Variants in ADAMTSL1 observed in about 807,000 individuals in gnomAD.
ADAMTSL1 encodes the protein ADAMTS-like protein 1.
In ADAMTSL1, 126 loss-of-function variants were observed where a neutral mutation model predicts 201.8. The observed-to-expected ratio is 0.62, with a 90% confidence interval of 0.54 to 0.72. The LOEUF (loss-of-function observed/expected upper bound fraction) is 0.72. Among genes scored for constraint, ADAMTSL1 ranks in the 30% least tolerant of loss-of-function variants. The probability of loss-of-function intolerance (pLI) is 0.00; values close to 1 mark genes in which losing one functional copy is unlikely to be tolerated. For missense variants in ADAMTSL1, 2,679 were observed against 2,277.8 expected, an observed-to-expected ratio of 1.18 and a Z score of -3.59; for synonymous variants, 1,121 against 903.4, an observed-to-expected ratio of 1.24 and a Z score of -4.32.
chr9:18,322,515 C>T lies in ADAMTSL1; in HGVS notation c.207+158534C>T, dbSNP rs535472556. Among the ~76,000 whole-genome samples the T allele has an allele frequency of 3.3e-5, 5 of 152,230 alleles. No individual in the cohort carries two copies. In the South Asian group the frequency reaches 1.0e-3, roughly 32 times the overall value. ...AAACGTGGTGGTGGGCACCTAGAATCTCAGCTACCTGGGAGGCTGAGGCAA... is the reference window on the plus strand; with the variant it reads ...AAACGTGGTGGTGGGCACCTAGAATTTCAGCTACCTGGGAGGCTGAGGCAA... On this transcript the variant is annotated intron_variant, in intron 2 of 29. Coordinates refer to the ADAMTSL1 transcript ENST00000680146.
intron 14 of ADAMTSL1, among the ~76,000 whole-genome samples, chr9:18,718,923 A>G (rs996180871): frequency 2.0e-5 from 3 of 152,258 alleles, no homozygotes; most frequent in African/African-American, 4.8e-5. Flanking sequence ...TCTCTTGAAT[A>G]CTACCAAACA....
chr9:18,638,804 C>A (rs1335846453), intron 6 of ADAMTSL1, among the ~76,000 whole-genome samples: 1 of 152,064 alleles, frequency 6.6e-6, no homozygotes, highest in Non-Finnish European at 1.5e-5. Context: ...CAGGCTAATG[C>A]ACGAATATAA....
chr9:17,920,743 T>C (rs887264056), intron 1 of ADAMTSL1, among the ~76,000 whole-genome samples: 1 of 152,216 alleles, frequency 6.6e-6, no homozygotes, highest in South Asian at 2.1e-4. Flanking sequence ...AGGGAAATAG[T>C]GTAAATGTTT....
At chr9:18,881,770 T>C (rs960588799) in intron 23 of ADAMTSL1, among the ~76,000 whole-genome samples, 5 of 152,184 alleles carry the variant, frequency 3.3e-5, no homozygotes, top group African/African-American at 9.7e-5. Flanking sequence ...TAAAGTGAGG[T>C]ATGCCTGTAT....
At chr9:18,234,942 A>T (rs1365372581) in intron 2 of ADAMTSL1, among the ~76,000 whole-genome samples, 2 of 152,210 alleles carry the variant, frequency 1.3e-5, no homozygotes, top group African/African-American at 2.4e-5. Context: ...CACAGTTATT[A>T]TAGATAGTTT....
At chr9:17,980,662 G>A (rs1818653306) in intron 1 of ADAMTSL1, among the ~76,000 whole-genome samples, 1 of 152,056 alleles carries the variant, frequency 6.6e-6, no homozygotes, top group East Asian at 1.9e-4. Context: ...TTCAGGAATG[G>A]TATTAGGACC....
chr9:18,376,669 G>A (rs1837310030), intron 2 of ADAMTSL1, among the ~76,000 whole-genome samples: 1 of 152,080 alleles, frequency 6.6e-6, no homozygotes, highest in Non-Finnish European at 1.5e-5. Context: ...AGCTGAGCAT[G>A]GTGGAACCCA....
intron 7 of ADAMTSL1, among the ~76,000 whole-genome samples, chr9:18,645,481 G>T (rs1723877347): frequency 1.3e-5 from 2 of 150,638 alleles, no homozygotes; most frequent in African/African-American, 2.4e-5. Flanking sequence ...TGTCCTGAAT[G>T]GTAATGCCTA....
chr9:18,164,490 G>GA, intron 2 of ADAMTSL1, among the ~76,000 whole-genome samples: 1 of 151,824 alleles, frequency 6.6e-6, no homozygotes, highest in South Asian at 2.1e-4. Flanking sequence ...GCTCTCAAAT[G>GA]AAAACAATAG....
rs573602438 is a variant in ADAMTSL1 at position 18,887,889 on chromosome 9, A to C, written c.4308A>C (p.Pro1436=). 1.8e-5 allele frequency: 29 copies of C among 1,613,884 alleles called. No homozygotes were observed. Among genetic ancestry groups the C allele is most frequent in the Non-Finnish European group, 2.2e-5 (26 of 1,179,900 alleles). ...PNITWFHGGQ[P]IVTATGLTHH... is the part of the protein sequence containing the mutation. ...TCACCTGGTTTCATGGTGGTCAGCC[A>C]ATTGTCACTGCCACAGGACTGACGC... Residue 1436 remains proline, a synonymous_variant, in exon 24 of 29, where the codon CCA becomes CCC. Transcript: ENST00000380548.
intron 2 of ADAMTSL1, among the ~76,000 whole-genome samples, chr9:18,375,247 A>G (rs989947522): frequency 6.6e-5 from 10 of 152,238 alleles, no homozygotes; most frequent in Admixed American, 1.3e-4. Flanking sequence ...AGGCTGTTAC[A>G]TTAGAGGAAA....
intron 2 of ADAMTSL1, among the ~76,000 whole-genome samples, chr9:18,290,959 A>G (rs963307451): frequency 1.3e-4 from 19 of 151,618 alleles, no homozygotes; most frequent in Non-Finnish European, 1.5e-5. Context: ...TTTTTTGTAT[A>G]TTTAGTAGAG....
At chr9:18,105,785 T>C (rs764320111) in intron 1 of ADAMTSL1, among the ~76,000 whole-genome samples, 3 of 152,236 alleles carry the variant, frequency 2.0e-5, no homozygotes, top group Non-Finnish European at 2.9e-5. Context: ...TTATATTGCA[T>C]AGTCATTTTT....
At chr9:18,133,149 A>G (rs1253343315) in intron 1 of ADAMTSL1, among the ~76,000 whole-genome samples, 1 of 152,140 alleles carries the variant, frequency 6.6e-6, no homozygotes, top group Non-Finnish European at 1.5e-5. Flanking sequence ...TTACTCCAGA[A>G]TTAAAAAGCT....
At chr9:18,344,049 T>G (rs1420905068) in intron 2 of ADAMTSL1, among the ~76,000 whole-genome samples, 1 of 152,054 alleles carries the variant, frequency 6.6e-6, no homozygotes, top group Non-Finnish European at 1.5e-5. Context: ...TACTTCATCT[T>G]TTTCAAAAAA....
chr9:18,211,884 C>T (rs2132319437), intron 2 of ADAMTSL1, among the ~76,000 whole-genome samples: 2 of 152,288 alleles, frequency 1.3e-5, no homozygotes, highest in African/African-American at 4.8e-5. Context: ...TTAGGCCAGC[C>T]CTCAACAACC....
intron 1 of ADAMTSL1, among the ~76,000 whole-genome samples, chr9:17,964,365 A>G (rs927478263): frequency 6.6e-6 from 1 of 152,074 alleles, no homozygotes; most frequent in African/African-American, 2.4e-5. Context: ...AATATTCTAC[A>G]CTGTAGGATT....
At chr9:18,890,483 C>G (rs1829177815) in intron 25 of ADAMTSL1, 1 of 455,838 alleles carries the variant, frequency 2.2e-6, no homozygotes, top group East Asian at 6.9e-5. Flanking sequence ...GCTCAGCTCT[C>G]AAATGCCCCT....
At chr9:18,250,877 C>T (rs773154417) in intron 2 of ADAMTSL1, among the ~76,000 whole-genome samples, 1 of 152,142 alleles carries the variant, frequency 6.6e-6, no homozygotes, top group Non-Finnish European at 1.5e-5. Flanking sequence ...TAAGGAATCT[C>T]TACCAACTTA....
Sources: gnomAD v4.1 joint callset for allele counts (sites outside exome capture counted in the v4.1 genomes callset) on GRCh38, gnomAD v4.1.1 for gene constraint, MANE v1.5 for transcripts, NCBI Gene and HGNC (gene_info 2026-07-23, HGNC 2026-07-21) for gene names.